RORB: variants seen among roughly 807,000 people sequenced by gnomAD.
The protein encoded by RORB is nuclear receptor ROR-beta.
In RORB, 6 loss-of-function variants were observed where a neutral mutation model predicts 59.1. The ratio of observed to expected loss-of-function variants is 0.10; its 90% CI spans 0.06 to 0.20. RORB has a LOEUF of 0.20. Ranked by LOEUF, RORB falls within the 10% of genes least tolerant of loss-of-function variation. The probability of loss-of-function intolerance (pLI) is 1.00; values close to 1 mark genes in which losing one functional copy is unlikely to be tolerated. For missense variants in RORB, 320 were observed against 560.5 expected, an observed-to-expected ratio of 0.57 and a Z score of 4.33; for synonymous variants, 215 against 204.5, an observed-to-expected ratio of 1.05 and a Z score of -0.44.
chr9:74,639,642 A>G (rs148241730), intron 3 of RORB, among the ~76,000 whole-genome samples: 3 of 152,324 alleles, frequency 2.0e-5, no homozygotes, highest in Non-Finnish European at 4.4e-5. Context: ...AAGTAGATCT[A>G]CCCTAGCTAA....
At chr9:74,583,607 G>A (rs1822756492) in intron 1 of RORB, among the ~76,000 whole-genome samples, 1 of 151,880 alleles carries the variant, frequency 6.6e-6, no homozygotes, top group Admixed American at 6.6e-5. Flanking sequence ...CAATCAAACA[G>A]ATTTCCAAAA....
In RORB at chr9:74,578,701, T is replaced by G. The variant is rs139382741; in HGVS notation, c.8-51581T>G. On this transcript the variant is annotated intron_variant, in intron 1 of 9. Coordinates refer to ENST00000376896, the MANE Select transcript of RORB (RefSeq NM_006914.4). ...GTAGAAGATCCTTTTTAAGGATACC[T>G]TATTAATACCATATACCACAAGTGT... is the stretch of plus-strand genomic sequence containing the variant. Among the ~76,000 whole-genome samples, 222 of 152,276 alleles carry G rather than the reference T, an allele frequency of 1.5e-3. 1 individual carries two copies. Among genetic ancestry groups the G allele is most frequent in the African/African-American group, 5.1e-3 (211 of 41,568 alleles).
At chr9:74,559,184 G>T (rs1203960075) in intron 1 of RORB, among the ~76,000 whole-genome samples, 2 of 152,136 alleles carry the variant, frequency 1.3e-5, no homozygotes, top group Non-Finnish European at 2.9e-5. Flanking sequence ...AAAATCCAAG[G>T]CACCAGATCT....
chr9:74,530,573 C>T (rs191199535), intron 1 of RORB, among the ~76,000 whole-genome samples: 2 of 152,086 alleles, frequency 1.3e-5, no homozygotes, highest in African/African-American at 2.4e-5. Context: ...CAAACACCTA[C>T]GGCTTGTGGT....
In RORB at chr9:74,568,907, T is replaced by C. The variant is rs564805309; in HGVS notation, c.8-61375T>C. On this transcript the variant is annotated intron_variant, in intron 1 of 9. Transcript: ENST00000376896. Reference sequence around the variant, plus strand: ...TCACAGTTCTAAAGTTATGAAAATCTTTCATCTTTTATCAAATATTAAAAA... The same window carrying C: ...TCACAGTTCTAAAGTTATGAAAATCCTTCATCTTTTATCAAATATTAAAAA... Among the ~76,000 whole-genome samples the C allele has an allele frequency of 7.2e-5, 11 of 152,160 alleles. No homozygotes were observed. The East Asian group carries it at 2.1e-3, about 29-fold the overall frequency.
chr9:74,689,906 A>C lies in RORB; in HGVS notation c.*4288A>C, dbSNP rs1587426399. 6.6e-6 allele frequency: 1 copy of C among 152,240 alleles called. No individual in the cohort carries two copies. Among genetic ancestry groups the C allele is most frequent in the Non-Finnish European group, 1.5e-5 (1 of 68,050 alleles). 9.4% of individuals were successfully genotyped at this position (152,240 alleles called of 1,614,324 possible). A position where few individuals can be genotyped will look rare whatever the true frequency, so the allele number is the denominator to read the frequency against. On this transcript the variant is annotated 3_prime_UTR_variant, in exon 10 of 10. Transcript: ENST00000376896. ...TTTCTGTTCATTATAGAAGCAAGGA[A>C]AAATTCTATTTCTATTGGAAATTAG... is the stretch of plus-strand genomic sequence containing the variant.
chr9:74,658,265 A>C (rs1037758034), intron 4 of RORB, among the ~76,000 whole-genome samples: 2 of 152,170 alleles, frequency 1.3e-5, no homozygotes, highest in African/African-American at 4.8e-5. Flanking sequence ...TCAAAGTGTG[A>C]TGGCAGCCAG....
chr9:74,658,221 G>A (rs1006482328), intron 4 of RORB, among the ~76,000 whole-genome samples: 13 of 152,078 alleles, frequency 8.5e-5, no homozygotes, highest in African/African-American at 3.1e-4. Flanking sequence ...CACAGTATGA[G>A]TCTCACTGGA....
At chr9:74,555,165 T>TA in intron 1 of RORB, among the ~76,000 whole-genome samples, 1 of 152,240 alleles carries the variant, frequency 6.6e-6, no homozygotes, top group East Asian at 1.9e-4. Flanking sequence ...GCTGGCCTCT[T>TA]ATGTAAGTCT....
chr9:74,582,002 A>C (rs184668586), intron 1 of RORB, among the ~76,000 whole-genome samples: 22 of 152,320 alleles, frequency 1.4e-4, no homozygotes, highest in Admixed American at 1.2e-3. Flanking sequence ...TGTATCAATC[A>C]GTTCAAAGAA....
chr9:74,577,815 G>C (rs1822661457), intron 1 of RORB, among the ~76,000 whole-genome samples: 1 of 152,076 alleles, frequency 6.6e-6, no homozygotes, highest in East Asian at 1.9e-4. Context: ...TAAAATGCCT[G>C]ACACACTGAC....
At chr9:74,536,508 G>A (rs1317215041) in intron 1 of RORB, among the ~76,000 whole-genome samples, 1 of 151,978 alleles carries the variant, frequency 6.6e-6, no homozygotes, top group East Asian at 1.9e-4. Flanking sequence ...GGAAATGACA[G>A]AGCCATTAGT....
intron 1 of RORB, among the ~76,000 whole-genome samples, chr9:74,602,406 G>A (rs1823080110): frequency 6.6e-6 from 1 of 152,194 alleles, no homozygotes; most frequent in African/African-American, 2.4e-5. Flanking sequence ...TTTTGGCACT[G>A]TGTTTGGTAC....
chr9:74,626,500 A>G (rs1311431499), intron 1 of RORB, among the ~76,000 whole-genome samples: 1 of 152,226 alleles, frequency 6.6e-6, no homozygotes, highest in Non-Finnish European at 1.5e-5. Flanking sequence ...ATGAAAAATG[A>G]ATAAACCTCA....
intron 1 of RORB, among the ~76,000 whole-genome samples, chr9:74,539,534 C>G (rs530971929): frequency 3.8e-4 from 58 of 152,072 alleles, no homozygotes; most frequent in Non-Finnish European, 6.8e-4. Context: ...AGGCCACATT[C>G]GAGACACTGT....
chr9:74,646,840 A>G (rs1465662907), intron 4 of RORB, among the ~76,000 whole-genome samples: 2 of 152,176 alleles, frequency 1.3e-5, no homozygotes, highest in African/African-American at 4.8e-5. Context: ...AGTCACGACA[A>G]TTCACCACAT....
In RORB at chr9:74,497,564, C is replaced by T. The variant is rs1825729185; in HGVS notation, c.-413C>T. 2 of 225,678 alleles carry T rather than the reference C, an allele frequency of 8.9e-6. No individual in the cohort carries two copies. Among genetic ancestry groups the T allele is most frequent in the Admixed American group, 1.1e-4 (2 of 18,094 alleles). The allele number at this position is 225,678 out of a possible 1,614,324, so 14.0% of individuals were successfully genotyped here. ...CCACCAACTCCTCCTCCTGCTGCTG[C>T]CCTTCCTCCTCCTCCTCAGTCCAAG... On this transcript the variant is annotated 5_prime_UTR_variant, in exon 1 of 10. Coordinates refer to ENST00000376896, the MANE Select transcript of RORB (RefSeq NM_006914.4).
intron 1 of RORB, among the ~76,000 whole-genome samples, chr9:74,565,185 A>C (rs769215246): frequency 7.9e-5 from 12 of 152,346 alleles, no homozygotes; most frequent in Middle Eastern, 3.4e-3. Flanking sequence ...ATATCAGAAT[A>C]ACTCTGAGCT....
rs897443876 is a variant in RORB at position 74,686,651 on chromosome 9, A to G, written c.*1033A>G. ...TGACTACCAGCAATTTTTTTCTAGG[A>G]AAGTTAAAAGAATAAATCAGAACCC... On this transcript the variant is annotated 3_prime_UTR_variant, in exon 10 of 10. Coordinates refer to ENST00000376896, the MANE Select transcript of RORB (RefSeq NM_006914.4). 3 of 152,370 alleles carry G rather than the reference A, an allele frequency of 2.0e-5. No homozygotes were observed. The highest frequency in any genetic ancestry group is 4.4e-5 in the Non-Finnish European group (3 of 68,024). The allele number at this position is 152,370 out of a possible 1,614,324, so 9.4% of individuals were successfully genotyped here. A position where few individuals can be genotyped will look rare whatever the true frequency, so the allele number is the denominator to read the frequency against.
Sources: gnomAD v4.1 joint callset for allele counts (sites outside exome capture counted in the v4.1 genomes callset) on GRCh38, gnomAD v4.1.1 for gene constraint, MANE v1.5 for transcripts, NCBI Gene and HGNC (gene_info 2026-07-23, HGNC 2026-07-21) for gene names.